Variants in SPOCK3 observed in about 807,000 individuals in gnomAD.
SPOCK3 encodes testican-3.
SPOCK3 carries 30 observed loss-of-function variants against 56.6 expected under a neutral mutation model. The ratio of observed to expected loss-of-function variants is 0.53; its 90% CI spans 0.40 to 0.72. The LOEUF (loss-of-function observed/expected upper bound fraction) is 0.72. Ranked by LOEUF, SPOCK3 falls within the 30% of genes least tolerant of loss-of-function variation. SPOCK3 has a pLI of 0.00. For missense variants in SPOCK3, 527 were observed against 530.0 expected, an observed-to-expected ratio of 0.99 and a Z score of 0.06; for synonymous variants, 196 against 183.3, an observed-to-expected ratio of 1.07 and a Z score of -0.56.
At chr4:167,011,358 C>T (rs10517920) in intron 3 of SPOCK3, 77,106 of 452,966 alleles carry the variant, frequency 0.17, 7,485 homozygotes, top group African/African-American at 0.33. Flanking sequence ...CCTATTCAAA[C>T]AACCTCTCTA....
chr4:166,798,372 T>A (rs1377451544), intron 6 of SPOCK3, among the ~76,000 whole-genome samples: 3 of 152,160 alleles, frequency 2.0e-5, no homozygotes, highest in African/African-American at 7.2e-5. Context: ...AAGCCACTGC[T>A]AATTCTGCCA....
At chr4:167,108,787 T>G (rs915633675) in intron 2 of SPOCK3, among the ~76,000 whole-genome samples, 1 of 150,410 alleles carries the variant, frequency 6.6e-6, no homozygotes, top group Non-Finnish European at 1.5e-5. Flanking sequence ...TAACTACACT[T>G]TTAAAAATAA....
chr4:167,076,599 C>G (rs1187815970), intron 2 of SPOCK3, among the ~76,000 whole-genome samples: 1 of 151,716 alleles, frequency 6.6e-6, no homozygotes. Context: ...AATGCTTACA[C>G]TCTATGCAAT....
At chr4:166,790,676 G>A (rs1226446138) in intron 7 of SPOCK3, among the ~76,000 whole-genome samples, 1 of 152,182 alleles carries the variant, frequency 6.6e-6, no homozygotes, top group African/African-American at 2.4e-5. Context: ...ATTTGTGAAT[G>A]TGTACAATTA....
chr4:166,767,746 T>G (rs1420569864), intron 7 of SPOCK3, among the ~76,000 whole-genome samples: 2 of 152,200 alleles, frequency 1.3e-5, no homozygotes, highest in Admixed American at 6.5e-5. Flanking sequence ...GATATCCTTG[T>G]TAACTTTCTA....
At chr4:166,803,916 G>A (rs1400003071) in intron 6 of SPOCK3, among the ~76,000 whole-genome samples, 1 of 152,140 alleles carries the variant, frequency 6.6e-6, no homozygotes, top group African/African-American at 2.4e-5. Context: ...GTTGGTCAGA[G>A]AAAGAGGCCT....
chr4:166,881,371 G>T (rs1427372126), intron 6 of SPOCK3, among the ~76,000 whole-genome samples: 2 of 151,726 alleles, frequency 1.3e-5, no homozygotes, highest in African/African-American at 4.8e-5. Context: ...TTAACCAAGT[G>T]ATTTCAAAGT....
intron 7 of SPOCK3, among the ~76,000 whole-genome samples, chr4:166,769,091 A>C (rs193245856): frequency 1.3e-5 from 2 of 151,434 alleles, no homozygotes; most frequent in East Asian, 3.9e-4. Context: ...CATTTGTCTA[A>C]TGTTTTTTCA....
intron 2 of SPOCK3, among the ~76,000 whole-genome samples, chr4:167,116,003 A>G (rs939941258): frequency 6.6e-6 from 1 of 152,090 alleles, no homozygotes; most frequent in African/African-American, 2.4e-5. Flanking sequence ...ATAACAGAGA[A>G]AAGCACTAAA....
chr4:167,225,887 C>T (rs1218591444), intron 2 of SPOCK3, among the ~76,000 whole-genome samples: 1 of 152,096 alleles, frequency 6.6e-6, no homozygotes, highest in Non-Finnish European at 1.5e-5. Context: ...AGATTGTTTT[C>T]TTTGCTTTCA....
intron 4 of SPOCK3, among the ~76,000 whole-genome samples, chr4:166,943,407 T>C (rs1309425124): frequency 6.6e-6 from 1 of 152,122 alleles, no homozygotes; most frequent in Non-Finnish European, 1.5e-5. Context: ...GATATAATAC[T>C]TAATATAAAA....
At chr4:166,936,971 A>G (rs547671536) in intron 4 of SPOCK3, among the ~76,000 whole-genome samples, 29 of 152,114 alleles carry the variant, frequency 1.9e-4, no homozygotes, top group African/African-American at 5.5e-4. Context: ...TTCTTTGATA[A>G]TGGGTTATTT....
intron 8 of SPOCK3, among the ~76,000 whole-genome samples, chr4:166,746,704 T>C (rs535472812): frequency 1.3e-5 from 2 of 152,234 alleles, no homozygotes; most frequent in South Asian, 2.1e-4. Context: ...AGCTGGTTTT[T>C]TGAAAGGATC....
At chr4:167,082,481 G>C (rs1757795645) in intron 2 of SPOCK3, among the ~76,000 whole-genome samples, 1 of 152,028 alleles carries the variant, frequency 6.6e-6, no homozygotes, top group African/African-American at 2.4e-5. Context: ...GTCCGTGACT[G>C]CTTTGGGGAC....
intron 4 of SPOCK3, among the ~76,000 whole-genome samples, chr4:166,916,177 T>C (rs561168286): frequency 5.1e-4 from 74 of 145,556 alleles, no homozygotes; most frequent in African/African-American, 1.9e-3. Flanking sequence ...TCAAGTTTTC[T>C]TTTTTTTTTC....
chr4:167,234,216 G>A lies in SPOCK3; in HGVS notation c.1-43C>T. On this transcript the variant is annotated intron_variant, in intron 1 of 10. Coordinates refer to ENST00000357545, the MANE Select transcript of SPOCK3 (RefSeq NM_001040159.2). ...ACGGGGGGTGGGGGGGCATGTCAGT[G>A]TCAAATAAGGGGTACGAAGCCAGGA... is the stretch of plus-strand genomic sequence containing the variant. 3 of 1,598,316 alleles carry A rather than the reference G, an allele frequency of 1.9e-6. 1 individual carries two copies. The highest frequency in any genetic ancestry group is 2.2e-5 in the South Asian group (2 of 90,570).
At chr4:166,860,819 A>G (rs373599929) in intron 6 of SPOCK3, among the ~76,000 whole-genome samples, 40 of 144,750 alleles carry the variant, frequency 2.8e-4, no homozygotes, top group Admixed American at 8.3e-4. Flanking sequence ...ATATATATGT[A>G]TATATATATA....
chr4:167,009,072 A>G (rs1749757726), intron 3 of SPOCK3, among the ~76,000 whole-genome samples: 1 of 152,188 alleles, frequency 6.6e-6, no homozygotes. Context: ...TATAACTAAT[A>G]TGCTTCATAT....
At chr4:166,745,178 C>T (rs1371678042) in intron 8 of SPOCK3, among the ~76,000 whole-genome samples, 1 of 152,072 alleles carries the variant, frequency 6.6e-6, no homozygotes, top group Non-Finnish European at 1.5e-5. Flanking sequence ...CCCCAAGACA[C>T]ATAATTTTCA....
Sources: gnomAD v4.1 joint callset for allele counts (sites outside exome capture counted in the v4.1 genomes callset) on GRCh38, gnomAD v4.1.1 for gene constraint, MANE v1.5 for transcripts, NCBI Gene and HGNC (gene_info 2026-07-23, HGNC 2026-07-21) for gene names.